The following MTHFD1L variants were observed in gnomAD, a reference collection of about 807,000 sequenced individuals.
MTHFD1L encodes monofunctional C1-tetrahydrofolate synthase, mitochondrial.
A neutral mutation model predicts 119.5 loss-of-function variants in MTHFD1L; 81 were observed. The observed-to-expected ratio is 0.68, with a 90% CI of 0.57 to 0.82. The LOEUF (loss-of-function observed/expected upper bound fraction) is 0.82. MTHFD1L is among the 40% of genes least tolerant of loss of function. MTHFD1L has a pLI of 0.00. For missense variants in MTHFD1L, 1,125 were observed against 1,253.4 expected, an observed-to-expected ratio of 0.90 and a Z score of 1.55; for synonymous variants, 430 against 475.2, an observed-to-expected ratio of 0.90 and a Z score of 1.24.
chr6:150,984,156 C>T (rs1043436472), intron 20 of MTHFD1L, among the ~76,000 whole-genome samples: 2 of 152,026 alleles, frequency 1.3e-5, no homozygotes, highest in Non-Finnish European at 2.9e-5. Context: ...ATGTCTTTAC[C>T]TGGAATACCT....
chr6:151,066,848 A>C lies in MTHFD1L; in HGVS notation c.2848-25619A>C, dbSNP rs143875406. Among the ~76,000 whole-genome samples the C allele has an allele frequency of 4.5e-3, 687 of 152,094 alleles. 4 individuals are homozygous for C. The highest frequency in any genetic ancestry group is 0.016 in the African/African-American group (654 of 41,484). On this transcript the variant is annotated intron_variant, in intron 26 of 27. Coordinates refer to ENST00000367321, the MANE Select transcript of MTHFD1L (RefSeq NM_015440.5). ...TTCGCTGATGCTTTAGGAACTCCCA[A>C]CCTGGGTCCTGTCAAGGATAAGCTC... is the stretch of plus-strand genomic sequence containing the variant.
intron 26 of MTHFD1L, among the ~76,000 whole-genome samples, chr6:151,040,804 A>T (rs1786978849): frequency 6.6e-6 from 1 of 152,252 alleles, no homozygotes; most frequent in South Asian, 2.1e-4. Context: ...CACTCCAGCT[A>T]ACGCCACCAT....
chr6:151,060,922 A>G (rs532095967), intron 26 of MTHFD1L, among the ~76,000 whole-genome samples: 77 of 152,306 alleles, frequency 5.1e-4, no homozygotes, highest in Non-Finnish European at 8.2e-4. Flanking sequence ...ATGAAGACCT[A>G]TTTAGAAAGT....
rs543581450 is a variant in MTHFD1L at position 151,072,031 on chromosome 6, T to G, written c.2848-20436T>G. ...TTAATTTTTGTATTTTTAGTAGAGA[T>G]GGGGTTTCCCCATGTTGGCCAGGCT... On this transcript the variant is annotated intron_variant, in intron 26 of 27. Coordinates refer to ENST00000367321, the MANE Select transcript of MTHFD1L (RefSeq NM_015440.5). Among the ~76,000 whole-genome samples, 7 of 152,058 alleles carry G rather than the reference T, an allele frequency of 4.6e-5. No individual in the cohort carries two copies. In the South Asian group the frequency reaches 6.2e-4, roughly 14 times the overall value.
intron 26 of MTHFD1L, among the ~76,000 whole-genome samples, chr6:151,064,700 C>T (rs1791030168): frequency 6.6e-6 from 1 of 152,132 alleles, no homozygotes; most frequent in African/African-American, 2.4e-5. Flanking sequence ...TCCCAAAAAA[C>T]TCTTAAAATA....
chr6:151,051,236 G>T (rs938627874), intron 26 of MTHFD1L, among the ~76,000 whole-genome samples: 3 of 152,296 alleles, frequency 2.0e-5, no homozygotes, highest in East Asian at 3.9e-4. Flanking sequence ...GGACAAAGAT[G>T]AAATATATTT....
At chr6:150,950,270 C>T (rs750641229) in intron 16 of MTHFD1L, among the ~76,000 whole-genome samples, 18 of 152,172 alleles carry the variant, frequency 1.2e-4, no homozygotes, top group South Asian at 2.1e-4. Context: ...TCAGCAGTGC[C>T]GACCTCCATC....
chr6:150,998,838 A>AAG lies in MTHFD1L; in HGVS notation c.2126-10981_2126-10980insAG, dbSNP rs35642843. 5.5e-5 allele frequency among the ~76,000 whole-genome samples: 8 copies of AAG among 145,792 alleles called. No homozygotes were observed. In the East Asian group the frequency reaches 8.0e-4, roughly 15 times the overall value. The stretch of plus-strand genomic sequence containing the variant: ...CTAAAAATACAAAAAAAAAAAAAAA[A>AAG]CATTAGCTGGGCACGGTGGCACACA... On this transcript the variant is annotated intron_variant, in intron 20 of 27. Transcript: ENST00000367321.
At chr6:150,905,304 T>G (rs949423264) in intron 7 of MTHFD1L, among the ~76,000 whole-genome samples, 1 of 152,124 alleles carries the variant, frequency 6.6e-6, no homozygotes, top group African/African-American at 2.4e-5. Flanking sequence ...AGTGCTGGGA[T>G]TACAGGTGTG....
intron 24 of MTHFD1L, chr6:151,022,172 G>T: frequency 2.6e-6 from 1 of 389,018 alleles, no homozygotes; most frequent in Non-Finnish European, 5.4e-6. Context: ...CTCCTCTGCT[G>T]GTCTTTTTTA....
chr6:150,950,958 T>C (rs1454768552), intron 16 of MTHFD1L, among the ~76,000 whole-genome samples: 1 of 151,794 alleles, frequency 6.6e-6, no homozygotes, highest in Non-Finnish European at 1.5e-5. Flanking sequence ...CGTGAGCCAC[T>C]GTGCCTGGCT....
intron 24 of MTHFD1L, among the ~76,000 whole-genome samples, chr6:151,019,208 G>T (rs1032815197): frequency 9.7e-6 from 1 of 103,424 alleles, no homozygotes; most frequent in Non-Finnish European, 2.4e-5. Flanking sequence ...ATCCTGCTGT[G>T]AGTGTGCCTC....
intron 15 of MTHFD1L, among the ~76,000 whole-genome samples, chr6:150,946,390 T>C (rs1793947372): frequency 6.6e-6 from 1 of 152,346 alleles, no homozygotes; most frequent in East Asian, 1.9e-4. Flanking sequence ...CCTCAAGTGA[T>C]CCATCCACCT....
intron 18 of MTHFD1L, among the ~76,000 whole-genome samples, chr6:150,961,027 T>C (rs1796355615): frequency 6.6e-6 from 1 of 152,102 alleles, no homozygotes; most frequent in South Asian, 2.1e-4. Flanking sequence ...CTTTTTCTAA[T>C]TGGCATGCTA....
At chr6:150,943,540 C>T (rs910334157) in intron 13 of MTHFD1L, among the ~76,000 whole-genome samples, 2 of 151,974 alleles carry the variant, frequency 1.3e-5, no homozygotes, top group Non-Finnish European at 2.9e-5. Context: ...AAATATATTA[C>T]TCATTAGCAA....
At chr6:150,922,593 A>T (rs528563681) in intron 10 of MTHFD1L, among the ~76,000 whole-genome samples, 2 of 150,960 alleles carry the variant, frequency 1.3e-5, no homozygotes, top group Admixed American at 1.3e-4. Context: ...ATTTATATTA[A>T]TTTAATTTCA....
chr6:151,050,787 G>T (rs1321837365), intron 26 of MTHFD1L, among the ~76,000 whole-genome samples: 3 of 152,126 alleles, frequency 2.0e-5, no homozygotes, highest in Non-Finnish European at 4.4e-5. Context: ...GTTGTGGTGC[G>T]ACAGCAGAGG....
At chr6:151,015,858 G>C (rs184712795) in intron 24 of MTHFD1L, among the ~76,000 whole-genome samples, 165 bp downstream of exon 24, 1 of 152,124 alleles carries the variant, frequency 6.6e-6, no homozygotes, top group East Asian at 1.9e-4. Context: ...AGGCTAGGGC[G>C]GGCAGATCAC....
At chr6:151,032,829 A>G (rs531568979) in intron 24 of MTHFD1L, among the ~76,000 whole-genome samples, 6 of 152,338 alleles carry the variant, frequency 3.9e-5, no homozygotes, top group Non-Finnish European at 7.3e-5. Context: ...TCCAGACCAC[A>G]GAACACCTCT....
Sources: allele counts gnomAD v4.1 joint callset (sites outside exome capture counted in the v4.1 genomes callset), GRCh38; gene constraint gnomAD v4.1.1; transcripts MANE v1.5; gene names NCBI Gene and HGNC (gene_info 2026-07-23, HGNC 2026-07-21).